Variants in KANSL1 observed in about 807,000 individuals in gnomAD.
KANSL1 encodes KAT8 regulatory NSL complex subunit 1, also known as MLL1/MLL complex subunit KANSL1.
A neutral mutation model predicts 103.6 loss-of-function variants in KANSL1; 22 were observed. That is an observed-to-expected ratio of 0.21 (90% CI 0.15 to 0.30). The LOEUF is 0.30. KANSL1 is among the 10% of genes least tolerant of loss of function. KANSL1 has a pLI of 1.00. For synonymous variants in KANSL1, 600 were observed against 527.6 expected (o/e 1.14, Z -1.88); for missense variants, 1,337 against 1,399.8 (o/e 0.96, Z 0.72).
Position 46,039,879 on chromosome 17 carries a change from G to C in KANSL1, c.2026C>G (p.Pro676Ala). The part of the protein sequence containing the change: ...HPVLAFPDDV[P>A]TSLHFQSMLK... ...ATGCTCTGGAAATGCAGGCTTGTGG[G>C]AACATCTGCAAGAAACATAAAATGC... Residue 676 changes from proline (P) to alanine (A), a missense_variant, in exon 8 of 15, where the codon CCC becomes GCC. By Grantham distance (27) the Pro-to-Ala change is conservative. Transcript: ENST00000432791. The C allele has an allele frequency of 6.2e-7, 1 of 1,614,104 alleles. No homozygotes were observed. The highest frequency in any genetic ancestry group is 8.5e-7 in the Non-Finnish European group (1 of 1,179,996).
chr17:46,106,296 A>C (rs949743102), intron 2 of KANSL1, among the ~76,000 whole-genome samples: 1 of 152,238 alleles, frequency 6.6e-6, no homozygotes, highest in African/African-American at 2.4e-5. Flanking sequence ...AACTTTAGTA[A>C]GTCTAAGAAT....
Position 46,050,626 on chromosome 17 carries a change from T to C in KANSL1, c.1927A>G (p.Thr643Ala). Residue 643 changes from threonine to alanine, a missense_variant, in exon 7 of 15, where the codon ACC (threonine) becomes GCC (alanine). Thr to Ala is a moderately conservative substitution (Grantham distance 58). Around this residue, in one of 2 missense-constraint regions of KANSL1, gnomAD observed 780 missense variants for 923.4 expected, o/e 0.84. Transcript: ENST00000432791. ...TCATAGTGAATTTCGGGAGGCATGG[T>C]GTTGATGCTGCCTGAACCACACAGT... is the stretch of plus-strand genomic sequence containing the variant. ...CALCGSGSIN[T>A]MPPEIHYEAP... is the part of the protein sequence containing the mutation. 1 of 1,614,172 alleles carries C rather than the reference T, an allele frequency of 6.2e-7. No homozygotes were observed. The highest frequency in any genetic ancestry group is 8.5e-7 in the Non-Finnish European group (1 of 1,180,020).
At chr17:46,130,187 C>CAAGAAAAAAAAAAAAAAA (rs2043785361) in intron 2 of KANSL1, among the ~76,000 whole-genome samples, 1 of 75,472 alleles carries the variant, frequency 1.3e-5, no homozygotes, top group Non-Finnish European at 2.7e-5. Flanking sequence ...ATCCTGTCTC[C>CAAGAAAAAAAAAAAAAAA]AAAAAAAAAA....
At chr17:46,213,331 C>T (rs1255046486) in intron 1 of KANSL1, among the ~76,000 whole-genome samples, 2 of 152,126 alleles carry the variant, frequency 1.3e-5, no homozygotes, top group African/African-American at 2.4e-5. Context: ...GACGGAGTCT[C>T]GCTCTGTGGC....
Position 46,094,617 on chromosome 17 carries a change from G to C in KANSL1, c.1374C>G (p.Asp458Glu). The change falls in exon 3 of 15, where the codon GAC becomes GAG. Residue 458 changes from aspartate (D) to glutamate (E), a missense_variant. This residue lies in a region of KANSL1 where 780 missense variants were observed against 923.4 expected (regional missense o/e 0.84). Coordinates refer to ENST00000432791, the MANE Select transcript of KANSL1 (RefSeq NM_015443.4). ...RWNWLQAHVS[D>E]LEYRIRQQTD... ...TTTGCTGACGAATTCGATATTCCAA[G>C]TCAGAAACATGAGCCTGAAGCCAGT... 6.2e-7 allele frequency: 1 copy of C among 1,614,110 alleles called. No individual in the cohort carries two copies. Among genetic ancestry groups the C allele is most frequent in the Non-Finnish European group, 8.5e-7 (1 of 1,180,034 alleles).
chr17:46,209,791 G>C (rs1283876407), intron 1 of KANSL1, among the ~76,000 whole-genome samples: 1 of 152,194 alleles, frequency 6.6e-6, no homozygotes, highest in Non-Finnish European at 1.5e-5. Context: ...ACCACGACCA[G>C]CCCCTTCTCT....
chr17:46,164,412 CT>C (rs1354742672), intron 2 of KANSL1, among the ~76,000 whole-genome samples: 1 of 152,238 alleles, frequency 6.6e-6, no homozygotes, highest in Non-Finnish European at 1.5e-5. Flanking sequence ...ACTTCTGCCA[CT>C]TGACGTCATG....
chr17:46,036,354 T>C (rs571224778), intron 10 of KANSL1, among the ~76,000 whole-genome samples: 1 of 152,332 alleles, frequency 6.6e-6, no homozygotes, highest in East Asian at 1.9e-4. Context: ...CTGGCTTCTT[T>C]ACTTGATTTC....
chr17:46,185,680 CACACACATATAT>C (rs1399255512), intron 1 of KANSL1, among the ~76,000 whole-genome samples: 7 of 86,288 alleles, frequency 8.1e-5, no homozygotes, highest in African/African-American at 1.5e-4. Flanking sequence ...CATATATATA[CACACACATATAT>C]ACACACACAC....
intron 6 of KANSL1, among the ~76,000 whole-genome samples, chr17:46,063,476 A>G (rs1481276839): frequency 1.3e-5 from 2 of 152,232 alleles, no homozygotes; most frequent in Non-Finnish European, 2.9e-5. Flanking sequence ...AGACACAGAA[A>G]GCAACCTAGA....
At chr17:46,164,592 TCAAC>T (rs1301053322) in intron 2 of KANSL1, among the ~76,000 whole-genome samples, 1 of 152,220 alleles carries the variant, frequency 6.6e-6, no homozygotes, top group Non-Finnish European at 1.5e-5. Context: ...GAAAAGTAAA[TCAAC>T]CAAAGAAATG....
rs1347830462 is a variant in KANSL1, at chr17:46,030,190, C to T, written c.*1286G>A. ...AAAAGGGTTATTCAGAATTTTCAAC[C>T]TTATAAATAGAAGAAGCACTTTATG... On this transcript the variant is annotated 3_prime_UTR_variant, in exon 15 of 15. Transcript: ENST00000432791. The T allele has an allele frequency of 6.7e-6, 1 of 150,246 alleles. No individual in the cohort carries two copies. Among genetic ancestry groups the T allele is most frequent in the African/African-American group, 2.5e-5 (1 of 40,644 alleles). 9.3% of individuals were successfully genotyped at this position (150,246 alleles called of 1,614,324 possible).
At chr17:46,072,232 G>C (rs1007618168) in intron 4 of KANSL1, among the ~76,000 whole-genome samples, 21 of 152,024 alleles carry the variant, frequency 1.4e-4, no homozygotes, top group African/African-American at 5.1e-4. Context: ...AAGTAGAGAG[G>C]GTTAAGGGGT....
chr17:46,115,118 T>C (rs2042987262), intron 2 of KANSL1, among the ~76,000 whole-genome samples: 1 of 152,102 alleles, frequency 6.6e-6, no homozygotes, highest in Non-Finnish European at 1.5e-5. Context: ...AGGAGTGCAA[T>C]GCACAATCTT....
chr17:46,102,552 A>C (rs1257545658), intron 2 of KANSL1, among the ~76,000 whole-genome samples: 1 of 152,118 alleles, frequency 6.6e-6, no homozygotes, highest in Non-Finnish European at 1.5e-5. Flanking sequence ...ACCCAGCCCC[A>C]GAGCCAATTC....
At chr17:46,073,558 G>C (rs2078653187) in intron 4 of KANSL1, among the ~76,000 whole-genome samples, 2 of 152,142 alleles carry the variant, frequency 1.3e-5, no homozygotes, top group Admixed American at 6.5e-5. Flanking sequence ...AGGACGTTGA[G>C]TGAGAAAAGG....
intron 7 of KANSL1, among the ~76,000 whole-genome samples, chr17:46,049,240 C>CTTTTTTTT (rs34418861): frequency 1.6e-4 from 12 of 75,772 alleles, no homozygotes; most frequent in Non-Finnish European, 2.4e-4. Flanking sequence ...CATCCAAGAC[C>CTTTTTTTT]TTTTTTTTTT....
At chr17:46,037,365 C>A (rs970663000) in intron 10 of KANSL1, 1 of 152,174 alleles carries the variant, frequency 6.6e-6, no homozygotes, top group Admixed American at 6.5e-5. Context: ...GCAAAGAGAC[C>A]ATTTGGAAAA....
At chr17:46,123,723 T>C (rs1400563836) in intron 2 of KANSL1, among the ~76,000 whole-genome samples, 1 of 152,200 alleles carries the variant, frequency 6.6e-6, no homozygotes, top group Non-Finnish European at 1.5e-5. Context: ...AGAAGCAAAG[T>C]CTGAAGATGA....
Sources: allele counts gnomAD v4.1 joint callset (sites outside exome capture counted in the v4.1 genomes callset), GRCh38; gene constraint gnomAD v4.1.1; regional missense constraint gnomAD v4.1.1; transcripts MANE v1.5; gene names NCBI Gene and HGNC (gene_info 2026-07-23, HGNC 2026-07-21).